The following SEC24C variants were observed in gnomAD, a reference collection of about 807,000 sequenced individuals.
The protein encoded by SEC24C is SEC24 homolog C, COPII component, also known as protein transport protein Sec24C.
A neutral mutation model predicts 117.0 loss-of-function variants in SEC24C; 22 were observed. The ratio of observed to expected loss-of-function variants is 0.19; its 90% CI spans 0.13 to 0.27. The LOEUF (loss-of-function observed/expected upper bound fraction) is 0.27. Among genes scored for constraint, SEC24C ranks in the 10% least tolerant of loss-of-function variants. SEC24C has a pLI of 1.00. For synonymous variants in SEC24C, 506 were observed against 529.4 expected, an observed-to-expected ratio of 0.96 and a Z score of 0.61; for missense variants, 1,155 against 1,375.1, an observed-to-expected ratio of 0.84 and a Z score of 2.53.
rs776653091 is a variant in SEC24C, at chr10:73,770,290, C to G, written c.2873C>G (p.Pro958Arg). The G allele has an allele frequency of 6.2e-7, 1 of 1,606,722 alleles. No homozygotes were observed. The highest frequency in any genetic ancestry group is 1.7e-5 in the Admixed American group (1 of 58,632). ...CTTCCTTTTGTCTAGACAAAGTCTC[C>G]CGTTGAGAGTACTACCGAACCACCA... is the stretch of plus-strand genomic sequence containing the variant. ...YPRLLPLTKS[P>R]VESTTEPPAV... The change falls in exon 21 of 23, where the codon CCC becomes CGC. Residue 958 changes from proline (P) to arginine (R), a missense_variant. Coordinates refer to ENST00000345254, the MANE Select transcript of SEC24C (RefSeq NM_198597.3).
At position 73,766,750 on chromosome 10, in the gene SEC24C, A is replaced by C. The variant is rs1435536664; in HGVS notation, c.1800-10A>C. 2 of 1,612,714 alleles carry C rather than the reference A, an allele frequency of 1.2e-6. No individual in the cohort carries two copies. Among genetic ancestry groups the C allele is most frequent in the African/African-American group, 2.7e-5 (2 of 74,904 alleles). On this transcript the variant is annotated splice_polypyrimidine_tract_variant and intron_variant, in intron 12 of 22. Coordinates refer to ENST00000345254, the MANE Select transcript of SEC24C (RefSeq NM_198597.3). ...CAATTTTGGTTGTTTTCCGTCACCT[A>C]TCTCTTTAGCTTATTGGATCAGATT...
intron 3 of SEC24C, among the ~76,000 whole-genome samples, chr10:73,757,230 T>A (rs1324203187): frequency 2.9e-5 from 4 of 138,816 alleles, no homozygotes; most frequent in African/African-American, 5.3e-5. Flanking sequence ...TTTTTTTTTT[T>A]AAATTAGAGG....
intron 2 of SEC24C, among the ~76,000 whole-genome samples, chr10:73,750,145 G>C (rs2082623372): frequency 6.6e-6 from 1 of 152,232 alleles, no homozygotes; most frequent in Admixed American, 6.5e-5. Flanking sequence ...GTCCACCTCT[G>C]CTTTGTCAAG....
rs1251116653 is a variant in SEC24C at position 73,766,526 on chromosome 10, G to A, written c.1784G>A (p.Arg595Gln). 7.5e-6 allele frequency: 12 copies of A among 1,609,020 alleles called. No individual in the cohort carries two copies. Among genetic ancestry groups the A allele is most frequent in the Middle Eastern group, 1.7e-4 (1 of 5,914 alleles). Residue 595 changes from arginine to glutamine, a missense_variant, in exon 12 of 23, where the codon CGG (arginine) becomes CAG (glutamine). By Grantham distance (43) the Arg-to-Gln change is conservative. Transcript: ENST00000345254. ...TTCCTGGTCAACGTCAATGAGTCTC[G>A]GGCAGTTATCACCAGGTAAGAGCCA... ...DGFLVNVNES[R>Q]AVITSLLDQI... is the part of the protein sequence containing the mutation.
chr10:73,763,849 T>C lies in SEC24C; in HGVS notation c.1100-7T>C, dbSNP rs746595333. On this transcript the variant is annotated splice_region_variant and splice_polypyrimidine_tract_variant and intron_variant, in intron 7 of 22. Coordinates refer to ENST00000345254, the MANE Select transcript of SEC24C (RefSeq NM_198597.3). The stretch of plus-strand genomic sequence containing the variant: ...ATCTGACTCGGGTCTTCTGCCTCCT[T>C]CTTCAGGGAATGCAAGTCCCCGATA... 6 of 1,613,040 alleles carry C rather than the reference T, an allele frequency of 3.7e-6. No individual in the cohort carries two copies. Among genetic ancestry groups the C allele is most frequent in the Non-Finnish European group, 1.7e-6 (2 of 1,179,574 alleles).
rs117713783 is a variant in SEC24C, at chr10:73,752,571, A to G, written c.308+1328A>G. On this transcript the variant is annotated intron_variant, in intron 3 of 22. Coordinates refer to ENST00000345254, the MANE Select transcript of SEC24C (RefSeq NM_198597.3). ...GAATGTAAGCCTGGGTAAGTCAAAC[A>G]AGTGGGGTACATAGAAGATAACAAG... Among the ~76,000 whole-genome samples, 132 of 152,356 alleles carry G rather than the reference A, an allele frequency of 8.7e-4. 2 individuals are homozygous for G. The East Asian group carries it at 0.021, about 25-fold the overall frequency.
At chr10:73,745,245 G>A (rs1300164477) in intron 1 of SEC24C, among the ~76,000 whole-genome samples, 1 of 152,102 alleles carries the variant, frequency 6.6e-6, no homozygotes, top group African/African-American at 2.4e-5. Context: ...GAAGGACCCT[G>A]TTTAGAAAAG....
At chr10:73,747,364 T>A (rs111438772) in intron 2 of SEC24C, among the ~76,000 whole-genome samples, 1,765 of 151,920 alleles carry the variant, frequency 0.012, 29 homozygotes, top group African/African-American at 0.038. Context: ...TGTATTTTTT[T>A]AATTTATTTT....
chr10:73,753,184 G>C (rs1351166872), intron 3 of SEC24C, among the ~76,000 whole-genome samples: 1 of 151,994 alleles, frequency 6.6e-6, no homozygotes, highest in Non-Finnish European at 1.5e-5. Context: ...CGAGTAGCTG[G>C]GATTGCAGGC....
intron 6 of SEC24C, chr10:73,762,162 G>A: frequency 1.6e-6 from 2 of 1,289,754 alleles, no homozygotes; most frequent in Non-Finnish European, 2.0e-6. Context: ...GCCATTCCTA[G>A]TCCAGTAAGT....
Position 73,771,295 on chromosome 10 carries a change from G to T in SEC24C, c.*200G>T. ...TGTCCTGCTGATGGAAGGTGCCCCT[G>T]TTCCCTCATTCTACCCTCTTTTTCC... is the stretch of plus-strand genomic sequence containing the variant. On this transcript the variant is annotated 3_prime_UTR_variant, in exon 23 of 23. Transcript: ENST00000345254. The T allele has an allele frequency of 1.7e-6, 1 of 600,188 alleles. No homozygotes were observed. The highest frequency in any genetic ancestry group is 2.9e-6 in the Non-Finnish European group (1 of 346,308). The allele number at this position is 600,188 out of a possible 1,614,324, so 37.2% of individuals were successfully genotyped here.
At chr10:73,764,663 A>G (rs1295212171) in intron 8 of SEC24C, among the ~76,000 whole-genome samples, 1 of 152,168 alleles carries the variant, frequency 6.6e-6, no homozygotes, top group East Asian at 1.9e-4. Flanking sequence ...CTGTCATCCC[A>G]GGTTAGTGCT....
At chr10:73,764,074 A>G (rs1462013359) in intron 8 of SEC24C, 91 bp downstream of exon 8, 3 of 1,441,478 alleles carry the variant, frequency 2.1e-6, no homozygotes, top group African/African-American at 1.4e-5. Flanking sequence ...CAGCTTCACA[A>G]TGGAAGATAT....
intron 2 of SEC24C, among the ~76,000 whole-genome samples, chr10:73,747,598 C>T (rs560570195): frequency 4.0e-5 from 6 of 151,556 alleles, no homozygotes; most frequent in South Asian, 4.2e-4. Context: ...GTGATCTGCC[C>T]GCCTCAGCCT....
chr10:73,760,491 G>A (rs1435506206), intron 5 of SEC24C, 105 bp downstream of exon 5: 22 of 1,364,260 alleles, frequency 1.6e-5, no homozygotes, highest in South Asian at 8.6e-5. Context: ...GCTAAGTGGT[G>A]AATTAGATGG....
chr10:73,760,072 A>G lies in SEC24C; in HGVS notation c.536A>G (p.Tyr179Cys), dbSNP rs1427308892. ...GGAAGTTTCCCTAACTCTGGTCTGT[A>G]TGGCTCCTATCCTCAGGGCCAGGCT... is the stretch of plus-strand genomic sequence containing the variant. ...ASGSFPNSGL[Y>C]GSYPQGQAPP... Residue 179 changes from tyrosine (Y) to cysteine (C), a missense_variant, in exon 5 of 23, where the codon TAT becomes TGT. Physicochemically the swap from Tyr to Cys is radical, Grantham distance 194. This residue lies in a region of SEC24C where 396 missense variants were observed against 382.8 expected (regional missense o/e 1.03). Transcript: ENST00000345254. 1.9e-6 allele frequency: 3 copies of G among 1,612,012 alleles called. No individual in the cohort carries two copies. Among genetic ancestry groups the G allele is most frequent in the African/African-American group, 1.3e-5 (1 of 74,846 alleles).
At chr10:73,761,000 G>A in intron 6 of SEC24C, 151 bp downstream of exon 6, 1 of 969,842 alleles carries the variant, frequency 1.0e-6, no homozygotes, top group Non-Finnish European at 1.5e-6. Context: ...ATTCTGAACT[G>A]GAACTTGAGG....
At position 73,762,247 on chromosome 10, in the gene SEC24C, T is replaced by G. The variant is rs551441513; in HGVS notation, c.988-1243T>G. 5.5e-6 allele frequency: 5 copies of G among 914,794 alleles called. No individual in the cohort carries two copies. In the Admixed American group the frequency reaches 1.2e-4, roughly 21 times the overall value. 56.7% of individuals were successfully genotyped at this position (914,794 alleles called of 1,614,324 possible). ...GCATGCCTGTGACCTCATCTTCACC[T>G]CATCTACCATGTCCATTCCTCCCCA... On this transcript the variant is annotated intron_variant, in intron 6 of 22. Transcript: ENST00000345254.
intron 1 of SEC24C, 154 bp from the exon 2 acceptor site, chr10:73,746,650 TG>T: frequency 4.0e-6 from 2 of 494,128 alleles, no homozygotes; most frequent in Non-Finnish European, 6.9e-6. Context: ...GAATGCTGGC[TG>T]GGGCAGAAAA....
Sources: allele counts gnomAD v4.1 joint callset (sites outside exome capture counted in the v4.1 genomes callset), GRCh38; gene constraint gnomAD v4.1.1; regional missense constraint gnomAD v4.1.1; transcripts MANE v1.5; gene names NCBI Gene and HGNC (gene_info 2026-07-23, HGNC 2026-07-21).